TENM1: variants seen among roughly 807,000 people sequenced by gnomAD.
The protein encoded by TENM1 is teneurin-1.
Under a neutral mutation model 174.8 loss-of-function variants are expected in TENM1, and 35 were observed. That is an observed-to-expected ratio of 0.20 (90% CI 0.15 to 0.27). The LOEUF (loss-of-function observed/expected upper bound fraction) is 0.27. TENM1 is among the 10% of genes least tolerant of loss of function. The pLI is 1.00. For synonymous variants in TENM1, 781 were observed against 798.7 expected, an observed-to-expected ratio of 0.98 and a Z score of 0.37; for missense variants, 1,633 against 2,130.1, an observed-to-expected ratio of 0.77 and a Z score of 4.59.
chrX:124,600,618 C>T (rs1239672013), intron 11 of TENM1, among the ~76,000 whole-genome samples: 1 of 111,150 alleles, frequency 9.0e-6, no homozygotes, highest in Non-Finnish European at 1.9e-5. Flanking sequence ...ATGGGTACCA[C>T]CTGATAGGAT....
the TENM1 span, among the ~76,000 whole-genome samples, chrX:125,075,185 A>G: frequency 9.0e-6 from 1 of 110,958 alleles, no homozygotes; most frequent in Non-Finnish European, 1.9e-5. Context: ...TTCTATCTCT[A>G]TAGGTTTGTA....
At chrX:124,797,088 G>A (rs2055322161) in intron 3 of TENM1, among the ~76,000 whole-genome samples, 1 of 111,692 alleles carries the variant, frequency 9.0e-6, no homozygotes, top group African/African-American at 3.3e-5. Flanking sequence ...ACTCTGAAAT[G>A]GATTAGATTT....
the TENM1 span, among the ~76,000 whole-genome samples, chrX:125,147,273 TAAGTA>T: frequency 9.1e-6 from 1 of 109,522 alleles, no homozygotes; most frequent in Non-Finnish European, 1.9e-5. Flanking sequence ...TATATCTACA[TAAGTA>T]TAGTATATAC....
Position 124,440,051 on chromosome X carries a change from A to G in TENM1, c.4104+13286T>C, listed in dbSNP as rs767250989. 1.3e-4 allele frequency among the ~76,000 whole-genome samples: 14 copies of G among 111,482 alleles called. No homozygotes were observed. The South Asian group carries it at 5.3e-3, about 42-fold the overall frequency. On this transcript the variant is annotated intron_variant, in intron 23 of 31. Transcript: ENST00000422452. The stretch of plus-strand genomic sequence containing the variant: ...TTATATATTGGTATAATTATGAAGA[A>G]CAGTCTACCCTAAAGGCCTGATTTT...
At chrX:124,488,310 A>C (rs2046994333) in intron 20 of TENM1, among the ~76,000 whole-genome samples, 1 of 112,586 alleles carries the variant, frequency 8.9e-6, no homozygotes, top group Non-Finnish European at 1.9e-5. Flanking sequence ...GAAAACATAG[A>C]GATAACCATT....
the TENM1 span, among the ~76,000 whole-genome samples, chrX:125,198,946 T>C: frequency 1.8e-5 from 2 of 111,059 alleles, no homozygotes; most frequent in African/African-American, 6.5e-5. Flanking sequence ...GCTGAAAAGG[T>C]CAGTGTGTTT....
At chrX:124,560,239 G>A (rs2048788009) in intron 14 of TENM1, among the ~76,000 whole-genome samples, 1 of 104,800 alleles carries the variant, frequency 9.5e-6, no homozygotes, top group Non-Finnish European at 2.0e-5. Context: ...GTGTGTATGT[G>A]TGGTGTAGTT....
intron 1 of TENM1, among the ~76,000 whole-genome samples, chrX:124,954,886 C>G: frequency 8.9e-6 from 1 of 111,986 alleles, no homozygotes; most frequent in Non-Finnish European, 1.9e-5. Context: ...TACCTCACTA[C>G]TCATCTGAAG....
chrX:124,923,766 G>A (rs759463758), intron 1 of TENM1, among the ~76,000 whole-genome samples: 4 of 111,819 alleles, frequency 3.6e-5, no homozygotes, highest in African/African-American at 1.3e-4. Context: ...ACATGAAATC[G>A]CTGGCTTTGA....
chrX:125,130,045 T>C, the TENM1 span, among the ~76,000 whole-genome samples: 4 of 111,813 alleles, frequency 3.6e-5, no homozygotes, highest in African/African-American at 6.5e-5. Context: ...TACAGTTGAA[T>C]AGAATTTTAC....
chrX:125,139,745 A>G, the TENM1 span, among the ~76,000 whole-genome samples: 2 of 108,835 alleles, frequency 1.8e-5, no homozygotes, highest in African/African-American at 6.7e-5. Flanking sequence ...CATAACCCCT[A>G]GAGACAAAGT....
chrX:124,705,867 TTTTTGTTTTG>T (rs982921012), intron 4 of TENM1, among the ~76,000 whole-genome samples: 2 of 111,473 alleles, frequency 1.8e-5, no homozygotes, highest in Admixed American at 1.9e-4. Flanking sequence ...AGTTTTTAGT[TTTTTGTTTTG>T]TTTTGTTTCT....
At position 124,404,942 on chromosome X, in the gene TENM1, G is replaced by C. The variant is rs113263903; in HGVS notation, c.5391+89C>G. ...AGAAATGGGACTTCAGTTTAGGGAG[G>C]CTCTGCAGTTAAACAAACAAACAAA... On this transcript the variant is annotated intron_variant, in intron 27 of 31. Coordinates refer to ENST00000422452, the Ensembl canonical transcript of TENM1. 3.0e-5 allele frequency: 25 copies of C among 836,557 alleles called. No homozygotes were observed. The African/African-American group carries it at 4.2e-4, about 14-fold the overall frequency. 68.9% of individuals were successfully genotyped at this position (836,557 alleles called of 1,213,427 possible). A position where few individuals can be genotyped will look rare whatever the true frequency, so the allele number is the denominator to read the frequency against.
chrX:124,876,934 C>T (rs1193781733), intron 3 of TENM1, among the ~76,000 whole-genome samples: 1 of 111,455 alleles, frequency 9.0e-6, no homozygotes, highest in Admixed American at 9.6e-5. Flanking sequence ...TCTTCTTTTC[C>T]TGATTCTGCT....
chrX:124,975,692 A>G, the TENM1 span, among the ~76,000 whole-genome samples: 1 of 111,836 alleles, frequency 8.9e-6, no homozygotes, highest in Admixed American at 9.6e-5. Flanking sequence ...ACTAGACTGA[A>G]AAGGAGCTAA....
chrX:124,464,329 T>C (rs1278109716), intron 22 of TENM1, among the ~76,000 whole-genome samples: 2 of 112,116 alleles, frequency 1.8e-5, no homozygotes, highest in African/African-American at 6.5e-5. Flanking sequence ...AAACTAAGTA[T>C]ACCTTGTCCC....
At chrX:124,671,581 G>A (rs1283172641) in intron 6 of TENM1, 102 bp downstream of exon 9, 2 of 864,312 alleles carry the variant, frequency 2.3e-6, no homozygotes, top group African/African-American at 4.1e-5. Context: ...CTTCTTTCAA[G>A]TGATCATGAA....
At chrX:124,988,866 A>G in the TENM1 span, among the ~76,000 whole-genome samples, 1 of 111,690 alleles carries the variant, frequency 9.0e-6, no homozygotes, top group African/African-American at 3.2e-5. Flanking sequence ...TGAATACAAC[A>G]ACAACAAAAA....
chrX:124,820,271 G>A (rs2056009090), intron 3 of TENM1, among the ~76,000 whole-genome samples: 1 of 111,135 alleles, frequency 9.0e-6, no homozygotes, highest in Non-Finnish European at 1.9e-5. Flanking sequence ...TTACTTTCAT[G>A]TCTTTCCTTA....
Sources: gnomAD v4.1 joint callset for allele counts (sites outside exome capture counted in the v4.1 genomes callset) on GRCh38, gnomAD v4.1.1 for gene constraint, MANE v1.5 for transcripts, NCBI Gene and HGNC (gene_info 2026-07-23, HGNC 2026-07-21) for gene names.